ABCA13: variants seen among roughly 807,000 people sequenced by gnomAD.
ABCA13 encodes the protein ATP-binding cassette sub-family A member 13.
ABCA13 carries 476 observed loss-of-function variants against 478.7 expected under a neutral mutation model. That is an observed-to-expected ratio of 0.99 (90% confidence interval 0.92 to 1.07). The LOEUF (loss-of-function observed/expected upper bound fraction) is 1.07. Among genes scored for constraint, ABCA13 ranks in the 50% least tolerant of loss-of-function variants. ABCA13 has a pLI of 0.00. For synonymous variants in ABCA13, 2,252 were observed against 2,158.9 expected, an observed-to-expected ratio of 1.04 and a Z score of -1.20; for missense variants, 6,060 against 5,910.6, an observed-to-expected ratio of 1.03 and a Z score of -0.83.
intron 41 of ABCA13, among the ~76,000 whole-genome samples, chr7:48,419,249 C>T (rs1381202822): frequency 6.6e-6 from 1 of 152,214 alleles, no homozygotes; most frequent in African/African-American, 2.4e-5. Flanking sequence ...CAGATCCAAA[C>T]CATATTATGC....
chr7:48,314,436 G>T (rs1304430733), intron 26 of ABCA13, 27 bp downstream of exon 26: 2 of 1,500,882 alleles, frequency 1.3e-6, no homozygotes, highest in East Asian at 4.9e-5. Flanking sequence ...ATATATATAT[G>T]TGTTTAGATT....
intron 7 of ABCA13, among the ~76,000 whole-genome samples, chr7:48,232,742 A>G (rs2128996355): frequency 6.6e-6 from 1 of 152,356 alleles, no homozygotes; most frequent in East Asian, 1.9e-4. Context: ...TAAGTATGCT[A>G]CACTGATGTC....
intron 15 of ABCA13, among the ~76,000 whole-genome samples, chr7:48,257,437 T>G (rs1333966204): frequency 1.3e-5 from 2 of 152,170 alleles, no homozygotes; most frequent in Non-Finnish European, 2.9e-5. Context: ...GGCTGTGTGT[T>G]TTTCATCGAT....
chr7:48,210,547 A>AT (rs556125059), intron 3 of ABCA13, among the ~76,000 whole-genome samples: 60 of 150,386 alleles, frequency 4.0e-4, no homozygotes, highest in Non-Finnish European at 6.8e-4. Flanking sequence ...TTCTATTTTG[A>AT]TTTTTTTTTA....
At chr7:48,306,204 CAGGGTGTGGGATCCTCTCTATTT>C (rs1800881917) in intron 23 of ABCA13, among the ~76,000 whole-genome samples, 2 of 152,194 alleles carry the variant, frequency 1.3e-5, no homozygotes, top group African/African-American at 4.8e-5. Flanking sequence ...TTCCACATGA[CAGGGTGTGGGATCCTCTCTATTT>C]GGTAAAAAGA....
chr7:48,600,922 C>T (rs966930353), intron 58 of ABCA13, among the ~76,000 whole-genome samples: 1 of 152,096 alleles, frequency 6.6e-6, no homozygotes, highest in African/African-American at 2.4e-5. Context: ...TTTTCTGGTC[C>T]TATCTATCTT....
intron 35 of ABCA13, among the ~76,000 whole-genome samples, chr7:48,383,108 A>G (rs1814649140): frequency 1.3e-5 from 2 of 152,140 alleles, no homozygotes; most frequent in Non-Finnish European, 2.9e-5. Context: ...TCATTTCTCA[A>G]CAAAGCATCT....
intron 45 of ABCA13, 50 bp downstream of exon 45, chr7:48,471,649 CA>C: frequency 2.7e-6 from 4 of 1,473,566 alleles, no homozygotes; most frequent in Non-Finnish European, 3.7e-6. Flanking sequence ...ATTCAAGTGA[CA>C]AAAATGAGTT....
At chr7:48,373,023 C>T (rs745783610) in intron 33 of ABCA13, among the ~76,000 whole-genome samples, 3 of 152,150 alleles carry the variant, frequency 2.0e-5, no homozygotes, top group South Asian at 2.1e-4. Flanking sequence ...ATGGCAATTG[C>T]TGGCAAGCGC....
chr7:48,177,832 C>T (rs886779609), intron 1 of ABCA13, among the ~76,000 whole-genome samples: 10 of 152,172 alleles, frequency 6.6e-5, no homozygotes, highest in Non-Finnish European at 1.5e-4. Context: ...GTCATTAAAT[C>T]GGGAGCCTGT....
chr7:48,563,794 T>TTGTGTGTG (rs200813371), intron 55 of ABCA13, among the ~76,000 whole-genome samples: 2 of 101,638 alleles, frequency 2.0e-5, no homozygotes, highest in African/African-American at 6.7e-5. Flanking sequence ...TGTTTACTGC[T>TTGTGTGTG]TGTGTGTGTG....
At chr7:48,332,225 T>C (rs1189362668) in intron 27 of ABCA13, among the ~76,000 whole-genome samples, 1 of 152,192 alleles carries the variant, frequency 6.6e-6, no homozygotes, top group African/African-American at 2.4e-5. Flanking sequence ...GTGGATTACT[T>C]AAACATTGTT....
At chr7:48,239,510 C>T (rs1228075669) in intron 9 of ABCA13, 105 bp downstream of exon 9, 3 of 1,353,126 alleles carry the variant, frequency 2.2e-6, no homozygotes, top group African/African-American at 1.5e-5. Context: ...ATTTTATGTC[C>T]CTCCAAGGAA....
chr7:48,608,717 G>A (rs1433469352), intron 58 of ABCA13, among the ~76,000 whole-genome samples: 1 of 152,256 alleles, frequency 6.6e-6, no homozygotes, highest in Non-Finnish European at 1.5e-5. Flanking sequence ...AAACTAGGGA[G>A]AGTGGGGAGC....
rs574765138 is a variant in ABCA13, at chr7:48,192,785, C to T, written c.70-174C>T. On this transcript the variant is annotated intron_variant, in intron 1 of 61. Coordinates refer to ENST00000435803, the MANE Select transcript of ABCA13 (RefSeq NM_152701.5). The stretch of plus-strand genomic sequence containing the variant: ...TGGGAGAAGAACAAGGAGATGACAC[C>T]GTCACAGATCTGGACGCAATGATAA... Among the ~76,000 whole-genome samples the T allele has an allele frequency of 2.6e-5, 4 of 151,980 alleles. No homozygotes were observed. In the South Asian group the frequency reaches 6.3e-4, roughly 24 times the overall value.
chr7:48,403,472 C>T (rs959558330), intron 38 of ABCA13, among the ~76,000 whole-genome samples: 3 of 152,222 alleles, frequency 2.0e-5, no homozygotes, highest in Non-Finnish European at 4.4e-5. Context: ...GTCTGCATCA[C>T]GGTTGGTGTC....
chr7:48,580,431 C>T, intron 56 of ABCA13, 57 bp downstream of exon 56: 2 of 1,546,596 alleles, frequency 1.3e-6, no homozygotes, highest in Non-Finnish European at 1.8e-6. Context: ...GCTTGGTGAC[C>T]ACCTCTGGCT....
intron 45 of ABCA13, among the ~76,000 whole-genome samples, chr7:48,474,481 G>A (rs1022718002): frequency 6.6e-6 from 1 of 152,152 alleles, no homozygotes; most frequent in African/African-American, 2.4e-5. Context: ...GTCCATCCAA[G>A]CATGGTTGCA....
At chr7:48,179,649 C>G (rs1421918175) in intron 1 of ABCA13, among the ~76,000 whole-genome samples, 1 of 152,124 alleles carries the variant, frequency 6.6e-6, no homozygotes, top group Non-Finnish European at 1.5e-5. Flanking sequence ...GCACGGTGCT[C>G]TGTCCCGGAG....
Sources: gnomAD v4.1 joint callset for allele counts (sites outside exome capture counted in the v4.1 genomes callset) on GRCh38, gnomAD v4.1.1 for gene constraint, MANE v1.5 for transcripts, NCBI Gene and HGNC (gene_info 2026-07-23, HGNC 2026-07-21) for gene names.